Variants in BBOX1 observed in about 807,000 individuals in gnomAD.
The protein encoded by BBOX1 is gamma-butyrobetaine hydroxylase 1, also known as gamma-butyrobetaine dioxygenase.
In BBOX1, 35 loss-of-function variants were observed where a neutral mutation model predicts 41.6. The observed-to-expected ratio is 0.84, with a 90% CI of 0.64 to 1.11. BBOX1 has a LOEUF of 1.11. Among genes scored for constraint, BBOX1 ranks in the 50% most tolerant of loss-of-function variants. BBOX1 has a pLI of 0.00. For missense variants in BBOX1, 458 were observed against 460.6 expected, an observed-to-expected ratio of 0.99 and a Z score of 0.05; for synonymous variants, 163 against 154.7, an observed-to-expected ratio of 1.05 and a Z score of -0.40.
In BBOX1 at chr11:27,069,578, A is replaced by G. The variant is rs527769276; in HGVS notation, c.334+12263A>G. 3.9e-5 allele frequency among the ~76,000 whole-genome samples: 6 copies of G among 152,080 alleles called. No individual in the cohort carries two copies. In the East Asian group the frequency reaches 1.2e-3, roughly 29 times the overall value. On this transcript the variant is annotated intron_variant, in intron 4 of 8. Coordinates refer to ENST00000263182, the MANE Select transcript of BBOX1 (RefSeq NM_003986.3). ...TGCCCTTTTTTCTTTCTCTTGTCCA[A>G]TTACCCAAGCTATGACTTGCAGTAC...
intron 7 of BBOX1, among the ~76,000 whole-genome samples, chr11:27,123,457 G>T (rs1046852024): frequency 1.3e-5 from 2 of 152,026 alleles, no homozygotes; most frequent in Non-Finnish European, 2.9e-5. Flanking sequence ...AGATCTTGAG[G>T]GTGACTGAAA....
At chr11:27,116,479 A>G (rs1291109018) in intron 6 of BBOX1, among the ~76,000 whole-genome samples, 1 of 151,984 alleles carries the variant, frequency 6.6e-6, no homozygotes. Flanking sequence ...TAACAAAAAA[A>G]AAAAATAATA....
At chr11:27,072,068 C>A (rs972029463) in intron 4 of BBOX1, among the ~76,000 whole-genome samples, 1 of 152,134 alleles carries the variant, frequency 6.6e-6, no homozygotes, top group Admixed American at 6.6e-5. Context: ...GAAGTTCTGG[C>A]CAGGGCATCG....
intron 5 of BBOX1, among the ~76,000 whole-genome samples, chr11:27,108,952 C>G (rs998260231): frequency 1.3e-5 from 2 of 151,974 alleles, no homozygotes; most frequent in South Asian, 2.1e-4. Context: ...TAAAAGTCAC[C>G]CCTTCCCTGT....
chr11:27,099,391 G>C (rs1347977677), intron 5 of BBOX1, among the ~76,000 whole-genome samples: 1 of 151,526 alleles, frequency 6.6e-6, no homozygotes, highest in Non-Finnish European at 1.5e-5. Flanking sequence ...TTCAACTTCA[G>C]GGAATGAAAT....
intron 4 of BBOX1, among the ~76,000 whole-genome samples, chr11:27,077,615 TAAAA>T (rs34920955): frequency 7.3e-5 from 10 of 137,126 alleles, no homozygotes; most frequent in Admixed American, 1.4e-4. Flanking sequence ...ATCCACCATC[TAAAA>T]AAAAAAAAAA....
Position 27,125,714 on chromosome 11 carries a change from A to T in BBOX1, c.897A>T (p.Ile299=), listed in dbSNP as rs746816647. 2.5e-6 allele frequency: 4 copies of T among 1,611,748 alleles called. No homozygotes were observed. Among genetic ancestry groups the T allele is most frequent in the Non-Finnish European group, 3.4e-6 (4 of 1,178,642 alleles). ...TCAATAACGCAACTAGGGACACAAT[A>T]TTTGATGTGCCTGTTGAAAGAGTTC... The part of the protein sequence containing the change: ...INFNNATRDT[I]FDVPVERVQP... The change falls in exon 8 of 9, where the codon ATA becomes ATT. Residue 299 remains isoleucine, a synonymous_variant. Coordinates refer to ENST00000263182, the MANE Select transcript of BBOX1 (RefSeq NM_003986.3).
At chr11:27,092,409 G>A (rs1431293941) in intron 4 of BBOX1, among the ~76,000 whole-genome samples, 1 of 151,884 alleles carries the variant, frequency 6.6e-6, no homozygotes, top group African/African-American at 2.4e-5. Context: ...TAGTTTCCTT[G>A]GCAAATTTGC....
Position 27,124,250 on chromosome 11 carries a change from C to T in BBOX1, c.837-1404C>T, listed in dbSNP as rs550450292. On this transcript the variant is annotated intron_variant, in intron 7 of 8. Transcript: ENST00000263182. The stretch of plus-strand genomic sequence containing the variant: ...TTGGCTCTCATTAGCACTTCCTGCA[C>T]TTGTCCTTCTAGGATGCTGCTCCCA... 7.9e-5 allele frequency among the ~76,000 whole-genome samples: 12 copies of T among 152,304 alleles called. No homozygotes were observed. The South Asian group carries it at 2.5e-3, about 32-fold the overall frequency.
chr11:27,119,497 G>T (rs1727558246), intron 6 of BBOX1, 152 bp from the exon 7 acceptor site: 2 of 443,020 alleles, frequency 4.5e-6, no homozygotes, highest in Non-Finnish European at 6.7e-6. Context: ...TATTGGCTTT[G>T]GTTCATTCAT....
rs190648718 is a variant in BBOX1 at position 27,048,223 on chromosome 11, T to C, written c.-39+6745T>C. Among the ~76,000 whole-genome samples the C allele has an allele frequency of 1.9e-3, 284 of 152,258 alleles. 4 individuals are homozygous for C. The highest frequency in any genetic ancestry group is 0.017 in the Admixed American group (266 of 15,272). ...TCGGATCTCCAGAATTTATTTATCC[T>C]GAATAAGTAGTATGCTTTGACCAAC... On this transcript the variant is annotated intron_variant, in intron 2 of 8. Transcript: ENST00000263182.
intron 4 of BBOX1, among the ~76,000 whole-genome samples, chr11:27,080,634 G>A (rs1246881411): frequency 6.6e-6 from 1 of 152,062 alleles, no homozygotes; most frequent in Non-Finnish European, 1.5e-5. Flanking sequence ...GTAATGATAA[G>A]GACACAGACT....
chr11:27,057,305 G>C lies in BBOX1; in HGVS notation c.324G>C (p.Leu108Phe). 6.2e-7 allele frequency: 1 copy of C among 1,608,806 alleles called. No individual in the cohort carries two copies. Among genetic ancestry groups the C allele is most frequent in the East Asian group, 2.2e-5 (1 of 44,770 alleles). ...CCAGAGCAAAGCTCCAAAGAGAATT[G>C]TTTTTTCCAGGTAACTTTGCCAAAG... ...KQARAKLQRELFFPECQYWGS... is the reference protein window; with the variant it reads ...KQARAKLQREFFFPECQYWGS... The change falls in exon 4 of 9, where the codon TTG becomes TTC. Residue 108 changes from leucine (L) to phenylalanine (F), a missense_variant. Transcript: ENST00000263182.
chr11:27,105,606 T>C (rs1371135915), intron 5 of BBOX1, among the ~76,000 whole-genome samples: 4 of 152,092 alleles, frequency 2.6e-5, no homozygotes, highest in Non-Finnish European at 1.5e-5. Context: ...AAAGACCAAA[T>C]CTACTTCTGA....
intron 6 of BBOX1, 55 bp downstream of exon 6, chr11:27,115,612 C>G: frequency 6.8e-7 from 1 of 1,466,794 alleles, no homozygotes; most frequent in East Asian, 2.3e-5. Context: ...AGTATCTTTT[C>G]GTATTTTGAG....
intron 5 of BBOX1, among the ~76,000 whole-genome samples, chr11:27,112,140 T>C (rs765324631): frequency 6.6e-6 from 1 of 151,940 alleles, no homozygotes; most frequent in Non-Finnish European, 1.5e-5. Context: ...GGAAACTCTA[T>C]AGGTCAAATT....
At chr11:27,104,306 C>A (rs1230301462) in intron 5 of BBOX1, among the ~76,000 whole-genome samples, 1 of 152,154 alleles carries the variant, frequency 6.6e-6, no homozygotes, top group Non-Finnish European at 1.5e-5. Flanking sequence ...TACCCAGTTG[C>A]TTCTCTCTGC....
At position 27,111,363 on chromosome 11, in the gene BBOX1, G is replaced by A. The variant is rs111714290; in HGVS notation, c.534-4089G>A. 1.2e-4 allele frequency among the ~76,000 whole-genome samples: 18 copies of A among 151,952 alleles called. 2 individuals carry two copies. The highest frequency in any genetic ancestry group is 3.9e-4 in the African/African-American group (16 of 41,518). On this transcript the variant is annotated intron_variant, in intron 5 of 8. Coordinates refer to ENST00000263182, the MANE Select transcript of BBOX1 (RefSeq NM_003986.3). ...CTACTAGAGTGGGGAAGGAGGGAAC[G>A]GGAAAGGGCTGAAAAATTACCCATT...
intron 5 of BBOX1, among the ~76,000 whole-genome samples, chr11:27,100,365 T>C (rs949026306): frequency 6.6e-6 from 1 of 152,136 alleles, no homozygotes; most frequent in Admixed American, 6.5e-5. Context: ...TGAATAAAAA[T>C]GTCTTCTGGG....
Sources: gnomAD v4.1 joint callset for allele counts (sites outside exome capture counted in the v4.1 genomes callset) on GRCh38, gnomAD v4.1.1 for gene constraint, MANE v1.5 for transcripts, NCBI Gene and HGNC (gene_info 2026-07-23, HGNC 2026-07-21) for gene names.